The following KCNT2 variants were observed in gnomAD, a reference collection of about 807,000 sequenced individuals.
KCNT2 encodes potassium sodium-activated channel subfamily T member 2.
KCNT2 carries 67 observed loss-of-function variants against 153.8 expected under a neutral mutation model. The observed-to-expected ratio is 0.44, with a 90% confidence interval of 0.36 to 0.53. The LOEUF is 0.53. Ranked by LOEUF, KCNT2 falls within the 20% of genes least tolerant of loss-of-function variation. The pLI is 0.00. For synonymous variants in KCNT2, 500 were observed against 458.8 expected (o/e 1.09, Z -1.15); for missense variants, 975 against 1,354.8 (o/e 0.72, Z 4.40).
rs16840240 is a variant in KCNT2 at position 196,604,406 on chromosome 1, A to G, written c.95+3809T>C. ...AGCTGAATGAATGAATGGCCATTAAAGACATATCATACAAACCACTTGAAT... is the reference window on the plus strand; with the variant it reads ...AGCTGAATGAATGAATGGCCATTAAGGACATATCATACAAACCACTTGAAT... On this transcript the variant is annotated intron_variant, in intron 1 of 27. Coordinates refer to ENST00000294725, the MANE Select transcript of KCNT2 (RefSeq NM_198503.5). Among the ~76,000 whole-genome samples the G allele has an allele frequency of 4.9e-4, 74 of 152,368 alleles. 1 individual carries two copies. In the East Asian group the frequency reaches 0.013, roughly 26 times the overall value.
intron 14 of KCNT2, 86 bp from the exon 15 acceptor site, chr1:196,342,314 C>T (rs1369964077): frequency 5.9e-6 from 7 of 1,183,322 alleles, no homozygotes; most frequent in Non-Finnish European, 7.1e-6. Flanking sequence ...AGAACTGTTT[C>T]TCAACTGTGT....
chr1:196,312,801 T>C (rs980601476), intron 21 of KCNT2, among the ~76,000 whole-genome samples: 1 of 151,742 alleles, frequency 6.6e-6, no homozygotes, highest in African/African-American at 2.4e-5. Flanking sequence ...GCATAATTAA[T>C]GTATAAGAAT....
At chr1:196,365,720 C>A (rs191405937) in intron 14 of KCNT2, among the ~76,000 whole-genome samples, 19 of 152,168 alleles carry the variant, frequency 1.2e-4, no homozygotes, top group South Asian at 2.1e-4. Context: ...TACAAACATG[C>A]AAGGCATGGG....
intron 15 of KCNT2, among the ~76,000 whole-genome samples, chr1:196,341,640 T>A (rs575631023): frequency 2.0e-5 from 3 of 151,946 alleles, no homozygotes; most frequent in Non-Finnish European, 4.4e-5. Flanking sequence ...ATGTTTGAAT[T>A]GGAAGGTAGT....
At chr1:196,396,682 G>C (rs1473778555) in intron 13 of KCNT2, among the ~76,000 whole-genome samples, 1 of 151,456 alleles carries the variant, frequency 6.6e-6, no homozygotes, top group African/African-American at 2.4e-5. Context: ...AAGAATGTAG[G>C]CACTAATAAA....
At chr1:196,510,832 T>C (rs1307705461) in intron 1 of KCNT2, among the ~76,000 whole-genome samples, 1 of 152,130 alleles carries the variant, frequency 6.6e-6, no homozygotes, top group Non-Finnish European at 1.5e-5. Flanking sequence ...TTTGTATCAG[T>C]GTCCACTTCT....
intron 26 of KCNT2, among the ~76,000 whole-genome samples, chr1:196,247,755 T>A (rs960928965): frequency 1.3e-5 from 2 of 152,024 alleles, no homozygotes; most frequent in Non-Finnish European, 2.9e-5. Flanking sequence ...CCACAACAGG[T>A]AGGGGTTATG....
At chr1:196,283,926 C>G (rs917240978) in intron 23 of KCNT2, among the ~76,000 whole-genome samples, 2 of 151,694 alleles carry the variant, frequency 1.3e-5, no homozygotes, top group African/African-American at 4.8e-5. Flanking sequence ...AATATGTTTA[C>G]TGTGTCAAAA....
intron 1 of KCNT2, among the ~76,000 whole-genome samples, chr1:196,590,794 T>C (rs1479265533): frequency 1.3e-5 from 2 of 152,126 alleles, no homozygotes; most frequent in African/African-American, 2.4e-5. Flanking sequence ...CTTACTGATA[T>C]GGTTGAGATG....
intron 1 of KCNT2, among the ~76,000 whole-genome samples, chr1:196,512,960 G>A (rs1681755476): frequency 6.6e-6 from 1 of 152,060 alleles, no homozygotes; most frequent in Non-Finnish European, 1.5e-5. Flanking sequence ...ACAGAAGGAA[G>A]TATTGGAAAG....
chr1:196,584,347 G>T (rs774438618), intron 1 of KCNT2, among the ~76,000 whole-genome samples: 6 of 151,720 alleles, frequency 4.0e-5, no homozygotes. Flanking sequence ...TAAGAAGAGG[G>T]GTAACACATT....
At chr1:196,239,925 A>G (rs1020408213) in intron 26 of KCNT2, among the ~76,000 whole-genome samples, 2 of 152,058 alleles carry the variant, frequency 1.3e-5, no homozygotes, top group Non-Finnish European at 1.5e-5. Flanking sequence ...ACACACAGAG[A>G]CAAGACTGTA....
chr1:196,516,631 A>G (rs1279538558), intron 1 of KCNT2, among the ~76,000 whole-genome samples: 1 of 152,220 alleles, frequency 6.6e-6, no homozygotes, highest in East Asian at 1.9e-4. Context: ...ATGAAAAAGC[A>G]GGCTGACTGC....
At position 196,582,250 on chromosome 1, in the gene KCNT2, C is replaced by G. The variant is rs139559084; in HGVS notation, c.95+25965G>C. Reference sequence around the variant, plus strand: ...TAATCACCAACGGATTACTTAACTTCTCTATGCCTGTTTCTTCAGCTGTAC... The same window carrying G: ...TAATCACCAACGGATTACTTAACTTGTCTATGCCTGTTTCTTCAGCTGTAC... On this transcript the variant is annotated intron_variant, in intron 1 of 27. Transcript: ENST00000294725. Among the ~76,000 whole-genome samples the G allele has an allele frequency of 1.5e-3, 221 of 151,964 alleles. 2 individuals carry two copies. The highest frequency in any genetic ancestry group is 5.1e-3 in the African/African-American group (213 of 41,500).
At chr1:196,387,882 T>C (rs1265185567) in intron 13 of KCNT2, among the ~76,000 whole-genome samples, 2 of 151,732 alleles carry the variant, frequency 1.3e-5, no homozygotes, top group Non-Finnish European at 3.0e-5. Flanking sequence ...TCTTTGAAAT[T>C]GTCTAGTGAA....
At chr1:196,549,104 T>C (rs1228879946) in intron 1 of KCNT2, among the ~76,000 whole-genome samples, 5 of 152,066 alleles carry the variant, frequency 3.3e-5, no homozygotes, top group African/African-American at 1.2e-4. Context: ...TGTATACATA[T>C]GTAACTAACC....
chr1:196,332,632 T>C (rs1181141864), intron 17 of KCNT2, among the ~76,000 whole-genome samples: 1 of 152,128 alleles, frequency 6.6e-6, no homozygotes, highest in Non-Finnish European at 1.5e-5. Context: ...CTACCCGTAA[T>C]ATGACTAATA....
intron 12 of KCNT2, among the ~76,000 whole-genome samples, chr1:196,402,367 T>A (rs893402553): frequency 6.6e-6 from 1 of 151,622 alleles, no homozygotes; most frequent in Non-Finnish European, 1.5e-5. Context: ...AATCTATGGA[T>A]AAATTATTAT....
intron 19 of KCNT2, among the ~76,000 whole-genome samples, chr1:196,323,757 T>C (rs1464797789): frequency 6.6e-6 from 1 of 151,948 alleles, no homozygotes; most frequent in Non-Finnish European, 1.5e-5. Flanking sequence ...AATAGCCACA[T>C]ACTGAATACT....
Sources: allele counts gnomAD v4.1 joint callset (sites outside exome capture counted in the v4.1 genomes callset), GRCh38; gene constraint gnomAD v4.1.1; transcripts MANE v1.5; gene names NCBI Gene and HGNC (gene_info 2026-07-23, HGNC 2026-07-21).